The following EXOC4 variants were observed in gnomAD, a reference collection of about 807,000 sequenced individuals.
The protein encoded by EXOC4 is exocyst complex component 4.
EXOC4 carries 71 observed loss-of-function variants against 107.2 expected under a neutral mutation model. The observed-to-expected ratio is 0.66, with a 90% confidence interval of 0.55 to 0.81. The LOEUF (loss-of-function observed/expected upper bound fraction) is 0.81, where lower values mean the gene tolerates loss of function less well. Ranked by LOEUF, EXOC4 falls within the 30% of genes least tolerant of loss-of-function variation. The probability of loss-of-function intolerance (pLI) is 0.00; values close to 1 mark genes in which losing one functional copy is unlikely to be tolerated. For synonymous variants in EXOC4, 456 were observed against 441.2 expected (o/e 1.03, Z -0.42); for missense variants, 1,108 against 1,189.6 (o/e 0.93, Z 1.01).
chr7:133,738,360 G>A (rs1238825024), intron 10 of EXOC4, among the ~76,000 whole-genome samples: 4 of 152,148 alleles, frequency 2.6e-5, no homozygotes, highest in African/African-American at 9.7e-5. Context: ...AAAATTAAAT[G>A]TGTAGCCTCA....
At chr7:133,696,474 A>AT (rs1794535511) in intron 10 of EXOC4, among the ~76,000 whole-genome samples, 1 of 152,104 alleles carries the variant, frequency 6.6e-6, no homozygotes, top group Non-Finnish European at 1.5e-5. Flanking sequence ...GAGCCAGCAC[A>AT]TTTTCAGTTT....
rs151029729 is a variant in EXOC4, at chr7:133,656,017, G to A, written c.1514+25876G>A. On this transcript the variant is annotated intron_variant, in intron 10 of 17. Coordinates refer to ENST00000253861, the MANE Select transcript of EXOC4 (RefSeq NM_021807.4). ...ATGCATTGTGCTGTGACCTTAGCAT[G>A]GCTATGATATCACTAGGAGATAGGA... 2.6e-4 allele frequency among the ~76,000 whole-genome samples: 40 copies of A among 152,220 alleles called. No homozygotes were observed. In the East Asian group the frequency reaches 7.0e-3, roughly 26 times the overall value.
chr7:133,670,155 T>C (rs1002037930), intron 10 of EXOC4, among the ~76,000 whole-genome samples: 8 of 152,234 alleles, frequency 5.3e-5, no homozygotes, highest in Non-Finnish European at 1.0e-4. Flanking sequence ...GGTGCCTACA[T>C]TGCTAAGGTG....
chr7:134,097,767 A>C, the EXOC4 span, among the ~76,000 whole-genome samples: 1 of 152,300 alleles, frequency 6.6e-6, no homozygotes, highest in Non-Finnish European at 1.5e-5. Context: ...CAGCCTCCCT[A>C]GGGATAGACA....
chr7:133,909,888 A>G (rs1026198793), intron 12 of EXOC4, among the ~76,000 whole-genome samples: 3 of 152,026 alleles, frequency 2.0e-5, no homozygotes, highest in African/African-American at 7.2e-5. Flanking sequence ...CTTTATTATA[A>G]GAAAAATCTG....
intron 11 of EXOC4, among the ~76,000 whole-genome samples, chr7:133,829,649 G>T (rs1447321669): frequency 6.6e-6 from 1 of 152,176 alleles, no homozygotes; most frequent in Non-Finnish European, 1.5e-5. Flanking sequence ...TCTCTGTGAG[G>T]GTGTTCCCTG....
chr7:133,320,204 C>T (rs1407685025), intron 5 of EXOC4, among the ~76,000 whole-genome samples: 1 of 152,142 alleles, frequency 6.6e-6, no homozygotes, highest in East Asian at 1.9e-4. Flanking sequence ...CTCACACAAA[C>T]TTAGTGGCTT....
chr7:133,950,308 ATC>A lies in EXOC4; in HGVS notation c.2206+12243_2206+12244del, dbSNP rs1198082246. Among the ~76,000 whole-genome samples, 9 of 152,320 alleles carry A rather than the reference ATC, an allele frequency of 5.9e-5. No individual in the cohort carries two copies. The East Asian group carries it at 1.7e-3, about 29-fold the overall frequency. On this transcript the variant is annotated intron_variant, in intron 14 of 17. Coordinates refer to ENST00000253861, the MANE Select transcript of EXOC4 (RefSeq NM_021807.4). ...AGGGATACATGCCACTTCAAACAACATCTCTTTCTATCCATAGCTCATTATTG... is the reference window on the plus strand; with the variant it reads ...AGGGATACATGCCACTTCAAACAACATCTTTCTATCCATAGCTCATTATTG...
chr7:133,446,989 C>T (rs1563069405), intron 7 of EXOC4, among the ~76,000 whole-genome samples: 2 of 152,184 alleles, frequency 1.3e-5, no homozygotes, highest in Non-Finnish European at 2.9e-5. Context: ...TTTACATTTA[C>T]AGATGTTTCT....
chr7:133,549,541 A>T (rs1277892525), intron 9 of EXOC4, among the ~76,000 whole-genome samples: 3 of 152,116 alleles, frequency 2.0e-5, no homozygotes, highest in Non-Finnish European at 4.4e-5. Context: ...CAATAGTAAC[A>T]TCAAAGATCA....
chr7:133,694,125 G>A (rs754023744), intron 10 of EXOC4, among the ~76,000 whole-genome samples: 7 of 151,990 alleles, frequency 4.6e-5, no homozygotes, highest in African/African-American at 1.2e-4. Context: ...TTAGCTGGGC[G>A]TTGTGTGTGC....
chr7:134,009,327 A>G (rs1167394905), intron 17 of EXOC4, among the ~76,000 whole-genome samples: 2 of 152,220 alleles, frequency 1.3e-5, no homozygotes, highest in African/African-American at 2.4e-5. Flanking sequence ...TATTACTTCA[A>G]CAATTGTAAA....
At chr7:134,040,069 A>G (rs1172924259) in intron 17 of EXOC4, among the ~76,000 whole-genome samples, 1 of 152,170 alleles carries the variant, frequency 6.6e-6, no homozygotes, top group Non-Finnish European at 1.5e-5. Flanking sequence ...TGTTAAACAC[A>G]TAGACTTGTT....
chr7:133,391,822 C>T (rs1376906132), intron 7 of EXOC4, among the ~76,000 whole-genome samples: 1 of 152,138 alleles, frequency 6.6e-6, no homozygotes, highest in African/African-American at 2.4e-5. Context: ...AAGAGATTAA[C>T]ATTGGCAGTG....
At chr7:133,888,615 A>G (rs1390388697) in intron 11 of EXOC4, among the ~76,000 whole-genome samples, 1 of 152,192 alleles carries the variant, frequency 6.6e-6, no homozygotes, top group African/African-American at 2.4e-5. Flanking sequence ...TAGCTTTAAG[A>G]TGGGCTTATT....
Position 133,630,149 on chromosome 7 carries a change from A to G in EXOC4, c.1514+8A>G, listed in dbSNP as rs2151014918. 1.3e-6 allele frequency: 2 copies of G among 1,589,506 alleles called. No individual in the cohort carries two copies. Among genetic ancestry groups the G allele is most frequent in the Non-Finnish European group, 1.7e-6 (2 of 1,157,710 alleles). ...ATTCCACCCATTACTAAGGTAAGTC[A>G]AGTGCTATGATATACTTACTGAAGA... On this transcript the variant is annotated splice_region_variant and intron_variant, in intron 10 of 17. Coordinates refer to ENST00000253861, the MANE Select transcript of EXOC4 (RefSeq NM_021807.4).
chr7:133,736,273 C>G (rs936841557), intron 10 of EXOC4, among the ~76,000 whole-genome samples: 3 of 152,198 alleles, frequency 2.0e-5, no homozygotes, highest in Non-Finnish European at 4.4e-5. Flanking sequence ...TAACCACCCA[C>G]TGACTCTACT....
At chr7:133,837,642 T>A (rs1452201237) in intron 11 of EXOC4, among the ~76,000 whole-genome samples, 1 of 152,190 alleles carries the variant, frequency 6.6e-6, no homozygotes, top group Non-Finnish European at 1.5e-5. Flanking sequence ...CAACAAAACT[T>A]TCTCTTTCAG....
rs750885840 is a variant in EXOC4, at chr7:133,275,062, G to A, written c.167G>A (p.Arg56His). 1.4e-5 allele frequency: 22 copies of A among 1,613,676 alleles called. No homozygotes were observed. The highest frequency in any genetic ancestry group is 1.6e-4 in the Middle Eastern group (1 of 6,076). Reference protein sequence around the residue: ...RLEEAYEKCDRDLDELIVQHY... With the variant: ...RLEEAYEKCDHDLDELIVQHY... ...GAAGAAGCCTACGAGAAATGTGACC[G>A]TGACCTGGATGAATTGATTGTACAG... Residue 56 changes from arginine (R) to histidine (H), a missense_variant, in exon 2 of 18, where the codon CGT becomes CAT. Transcript: ENST00000253861.
Sources: allele counts gnomAD v4.1 joint callset (sites outside exome capture counted in the v4.1 genomes callset), GRCh38; gene constraint gnomAD v4.1.1; transcripts MANE v1.5; gene names NCBI Gene and HGNC (gene_info 2026-07-23, HGNC 2026-07-21).